The following ESRRB variants were observed in gnomAD, a reference collection of about 807,000 sequenced individuals.
ESRRB encodes steroid hormone receptor ERR2.
ESRRB carries 16 observed loss-of-function variants against 46.0 expected under a neutral mutation model. The observed-to-expected ratio is 0.35, with a 90% CI of 0.24 to 0.53. ESRRB has a LOEUF of 0.53. Among genes scored for constraint, ESRRB ranks in the 20% least tolerant of loss-of-function variants. The pLI is 0.93. For missense variants in ESRRB, 488 were observed against 607.4 expected (o/e 0.80, Z 2.07); for synonymous variants, 246 against 259.6 (o/e 0.95, Z 0.50).
chr14:76,378,821 A>C (rs1283405306), intron 1 of ESRRB, among the ~76,000 whole-genome samples: 1 of 152,170 alleles, frequency 6.6e-6, no homozygotes, highest in Non-Finnish European at 1.5e-5. Flanking sequence ...TGGGTAGTAA[A>C]GTAACAGAGC....
intron 3 of ESRRB, among the ~76,000 whole-genome samples, chr14:76,479,697 G>T (rs530216452): frequency 1.3e-5 from 2 of 152,214 alleles, no homozygotes; most frequent in African/African-American, 4.8e-5. Flanking sequence ...CCTCACCTTC[G>T]CTCTGTCCTT....
At chr14:76,419,272 C>T (rs1425349588) in intron 1 of ESRRB, among the ~76,000 whole-genome samples, 1 of 151,904 alleles carries the variant, frequency 6.6e-6, no homozygotes, top group African/African-American at 2.4e-5. Context: ...GCCTCGGTCT[C>T]CCAAACTGCT....
intron 1 of ESRRB, among the ~76,000 whole-genome samples, chr14:76,317,348 G>A (rs1595042798): frequency 6.7e-6 from 1 of 150,060 alleles, no homozygotes; most frequent in East Asian, 2.0e-4. Flanking sequence ...GTGTGTGTGT[G>A]TGTGTGTGTT....
In ESRRB at chr14:76,402,520, T is replaced by C. The variant is rs78883801; in HGVS notation, c.50+26069T>C. 7.2e-3 allele frequency among the ~76,000 whole-genome samples: 1,096 copies of C among 152,220 alleles called. 18 individuals are homozygous for C. Among genetic ancestry groups the C allele is most frequent in the African/African-American group, 0.025 (1,042 of 41,530 alleles). ...ATCCCATGACTCTGGGAACTATCCA[T>C]TGGGAAACACCACCCTGGAGATGTA... On this transcript the variant is annotated intron_variant, in intron 1 of 6. Coordinates refer to ENST00000644823, the MANE Select transcript of ESRRB (RefSeq NM_001379180.1).
At chr14:76,324,963 C>CTTTTTT (rs34780208) in intron 1 of ESRRB, among the ~76,000 whole-genome samples, 135 of 102,152 alleles carry the variant, frequency 1.3e-3, no homozygotes, top group African/African-American at 1.8e-3. Flanking sequence ...TTTTCTTTTT[C>CTTTTTT]TTTTTTTTTT....
chr14:76,405,410 C>G (rs1047647383), intron 1 of ESRRB, among the ~76,000 whole-genome samples: 1 of 152,170 alleles, frequency 6.6e-6, no homozygotes, highest in African/African-American at 2.4e-5. Context: ...CTGTGCCCAT[C>G]TGGTTCCCAG....
In ESRRB at chr14:76,359,846, C is replaced by T. The variant is rs201777994; in HGVS notation, c.2+48930C>T. Among the ~76,000 whole-genome samples the T allele has an allele frequency of 5.3e-4, 81 of 152,190 alleles. 3 individuals carry two copies. The South Asian group carries it at 9.8e-3, about 18-fold the overall frequency. ...ACCCAGGAGGCAAGGCGATGTGACT[C>T]GTATTTGCTGGGACTCTTGGGAGTG... On this transcript the variant is annotated intron_variant, in intron 1 of 6. Transcript: ENST00000512784.
At chr14:76,317,498 G>A (rs994718738) in intron 1 of ESRRB, among the ~76,000 whole-genome samples, 1 of 152,164 alleles carries the variant, frequency 6.6e-6, no homozygotes, top group African/African-American at 2.4e-5. Context: ...TATGCACACA[G>A]GTCAGCTGGG....
chr14:76,472,986 C>T (rs1305118313), intron 3 of ESRRB, among the ~76,000 whole-genome samples: 2 of 152,198 alleles, frequency 1.3e-5, no homozygotes, highest in African/African-American at 4.8e-5. Flanking sequence ...TGACTCAGAG[C>T]CTCTAAATGA....
At chr14:76,478,110 T>C (rs980656610) in intron 3 of ESRRB, among the ~76,000 whole-genome samples, 23 of 152,218 alleles carry the variant, frequency 1.5e-4, no homozygotes, top group Admixed American at 1.5e-3. Context: ...AGGATGATGA[T>C]AATAACCATA....
chr14:76,497,247 G>A (rs1006877640), intron 6 of ESRRB, among the ~76,000 whole-genome samples: 2 of 152,218 alleles, frequency 1.3e-5, no homozygotes, highest in Middle Eastern at 3.4e-3. Flanking sequence ...ATGTGGAGGA[G>A]GCTTGGGTGT....
At chr14:76,348,031 A>G (rs1051325976) in intron 1 of ESRRB, among the ~76,000 whole-genome samples, 1 of 152,172 alleles carries the variant, frequency 6.6e-6, no homozygotes, top group Admixed American at 6.5e-5. Context: ...ACACTTCCCA[A>G]TGAATTTCTT....
At chr14:76,320,498 C>T (rs1272865209) in intron 1 of ESRRB, among the ~76,000 whole-genome samples, 2 of 152,242 alleles carry the variant, frequency 1.3e-5, no homozygotes, top group African/African-American at 4.8e-5. Context: ...GTTTGCCTGT[C>T]TGTTTCCCCT....
rs1883801973 is a variant in ESRRB, at chr14:76,316,511, C to T, written c.2+5595C>T. On this transcript the variant is annotated intron_variant, in intron 1 of 6. Transcript: ENST00000512784. Reference sequence around the variant, plus strand: ...TATTCACCTTTGAAATTCCCCAGTGCCTAGTGCAGTGCCTGGCACATAGTA... The same window carrying T: ...TATTCACCTTTGAAATTCCCCAGTGTCTAGTGCAGTGCCTGGCACATAGTA... 2.0e-5 allele frequency among the ~76,000 whole-genome samples: 3 copies of T among 152,148 alleles called. No homozygotes were observed. The South Asian group carries it at 6.2e-4, about 32-fold the overall frequency.
intron 3 of ESRRB, among the ~76,000 whole-genome samples, chr14:76,479,453 C>G (rs552928772): frequency 1.3e-5 from 2 of 152,300 alleles, no homozygotes; most frequent in African/African-American, 4.8e-5. Flanking sequence ...ACAGCCTTGT[C>G]TCAGATTCTG....
chr14:76,454,594 G>A (rs1025076242), intron 2 of ESRRB, among the ~76,000 whole-genome samples: 3 of 152,114 alleles, frequency 2.0e-5, no homozygotes, highest in Non-Finnish European at 1.5e-5. Context: ...TGGGAGGGCC[G>A]GGGGCTCCAT....
At chr14:76,496,619 C>T (rs1890440810) in intron 6 of ESRRB, among the ~76,000 whole-genome samples, 2 of 152,128 alleles carry the variant, frequency 1.3e-5, no homozygotes, top group South Asian at 4.2e-4. Flanking sequence ...AGAAAGATCA[C>T]CCAGGCATCA....
At chr14:76,476,467 T>C (rs1889588637) in intron 3 of ESRRB, among the ~76,000 whole-genome samples, 1 of 152,356 alleles carries the variant, frequency 6.6e-6, no homozygotes, top group East Asian at 1.9e-4. Flanking sequence ...ATTTTACTAA[T>C]GTAAGGACAC....
chr14:76,413,274 C>T (rs964735740), intron 1 of ESRRB, among the ~76,000 whole-genome samples: 3 of 152,210 alleles, frequency 2.0e-5, no homozygotes, highest in Non-Finnish European at 4.4e-5. Context: ...CTGGCCTCTG[C>T]CCACCTGTCC....
Sources: allele counts gnomAD v4.1 joint callset (sites outside exome capture counted in the v4.1 genomes callset), GRCh38; gene constraint gnomAD v4.1.1; transcripts MANE v1.5; gene names NCBI Gene and HGNC (gene_info 2026-07-23, HGNC 2026-07-21).